Variants in TNRC18 observed in about 807,000 individuals in gnomAD.
TNRC18 encodes the protein trinucleotide repeat-containing gene 18 protein.
In TNRC18, 69 loss-of-function variants were observed where a neutral mutation model predicts 226.7. The ratio of observed to expected loss-of-function variants is 0.30; its 90% confidence interval spans 0.25 to 0.37. TNRC18 has a LOEUF of 0.37. TNRC18 is among the 10% of genes least tolerant of loss of function. TNRC18 has a pLI of 1.00. For synonymous variants in TNRC18, 2,449 were observed against 1,927.6 expected (o/e 1.27, Z -7.09); for missense variants, 4,754 against 4,256.6 (o/e 1.12, Z -3.25).
intron 11 of TNRC18, among the ~76,000 whole-genome samples, chr7:5,364,208 G>C (rs1267519537): frequency 6.6e-6 from 1 of 152,002 alleles, no homozygotes; most frequent in Non-Finnish European, 1.5e-5. Flanking sequence ...TGAGGCATAA[G>C]AACTGCTTAA....
chr7:5,336,634 C>T (rs1054963466), intron 18 of TNRC18, among the ~76,000 whole-genome samples: 1 of 152,010 alleles, frequency 6.6e-6, no homozygotes, highest in African/African-American at 2.4e-5. Context: ...CCCAGCTACT[C>T]AGGAGGCAGA....
rs1006311618 is a variant in TNRC18, at chr7:5,313,412, C to G, written c.7479G>C (p.Gln2493His). The change falls in exon 27 of 30, where the codon CAG (glutamine) becomes CAC (histidine). Residue 2493 changes from glutamine to histidine, a missense_variant. Coordinates refer to ENST00000430969, the MANE Select transcript of TNRC18 (RefSeq NM_001080495.3). ...CCAGGCTCAGGAGGCTCTTGGGCTC[C>G]TGCCAGCCCCCCGCCCCCGGATCCT... ...LREDPGAGGW[Q>H]EPKSLLSLGS... is the part of the protein sequence containing the mutation. 6.3e-7 allele frequency: 1 copy of G among 1,599,322 alleles called. No homozygotes were observed. The highest frequency in any genetic ancestry group is 8.5e-7 in the Non-Finnish European group (1 of 1,174,198).
chr7:5,417,244 G>C (rs998832244), intron 2 of TNRC18, among the ~76,000 whole-genome samples: 1 of 152,088 alleles, frequency 6.6e-6, no homozygotes, highest in African/African-American at 2.4e-5. Flanking sequence ...AAGGCAGGAG[G>C]ATTACTTGAG....
chr7:5,389,096 T>C lies in TNRC18; in HGVS notation c.728A>G (p.Gln243Arg). The change falls in exon 5 of 30, where the codon CAG (glutamine) becomes CGG (arginine). Residue 243 changes from glutamine (Q) to arginine (R), a missense_variant. By Grantham distance (43) the Gln-to-Arg change is conservative. Transcript: ENST00000430969. ...SGPRGVVDLT[Q>R]EARAEGRQDR... ...CTGGCGGCCCTCGGCGCGCGCCTCC[T>C]GGGTCAGGTCCACCACGCCCCGTGG... is the stretch of plus-strand genomic sequence containing the variant. 1 of 1,297,464 alleles carries C rather than the reference T, an allele frequency of 7.7e-7. No individual in the cohort carries two copies. Among genetic ancestry groups the C allele is most frequent in the Non-Finnish European group, 9.8e-7 (1 of 1,018,560 alleles). 80.4% of individuals were successfully genotyped at this position (1,297,464 alleles called of 1,614,324 possible). A position where few individuals can be genotyped will look rare whatever the true frequency, so the allele number is the denominator to read the frequency against.
At position 5,377,290 on chromosome 7, in the gene TNRC18, C is replaced by T; in HGVS notation, c.2461+81G>A. On this transcript the variant is annotated intron_variant, in intron 7 of 29. Coordinates refer to ENST00000430969, the MANE Select transcript of TNRC18 (RefSeq NM_001080495.3). The surrounding 1 kb of genome is among the most constrained non-coding windows in gnomAD (Gnocchi z 5.8). Reference sequence around the variant, plus strand: ...CCCCCAGGAAACGGCAGGCAGGAGCCAGCCCTGAGCTCTTGTCCTGCACCC... The same window carrying T: ...CCCCCAGGAAACGGCAGGCAGGAGCTAGCCCTGAGCTCTTGTCCTGCACCC... 7.2e-7 allele frequency: 1 copy of T among 1,383,148 alleles called. No individual in the cohort carries two copies. The highest frequency in any genetic ancestry group is 9.6e-7 in the Non-Finnish European group (1 of 1,038,136). The allele number at this position is 1,383,148 out of a possible 1,614,324, so 85.7% of individuals were successfully genotyped here. A position where few individuals can be genotyped will look rare whatever the true frequency, so the allele number is the denominator to read the frequency against.
At chr7:5,385,982 CAAA>C (rs1160231238) in intron 5 of TNRC18, among the ~76,000 whole-genome samples, 8,593 of 40,518 alleles carry the variant, frequency 0.21, 318 homozygotes, top group African/African-American at 0.34. Flanking sequence ...AAGTCTGTCT[CAAA>C]AAAAAAAAAA....
At chr7:5,360,601 C>T (rs1429096893) in intron 14 of TNRC18, among the ~76,000 whole-genome samples, 1 of 152,072 alleles carries the variant, frequency 6.6e-6, no homozygotes, top group Non-Finnish European at 1.5e-5. Flanking sequence ...GTCGGTCACA[C>T]TAAGGGGTGG....
chr7:5,401,242 G>A (rs965327972), intron 2 of TNRC18, among the ~76,000 whole-genome samples: 3 of 137,316 alleles, frequency 2.2e-5, no homozygotes, highest in African/African-American at 8.0e-5. Flanking sequence ...GGGGGCGGGG[G>A]GGCTGCATGT....
chr7:5,345,088 G>A (rs1023245348), intron 18 of TNRC18, among the ~76,000 whole-genome samples: 1 of 152,128 alleles, frequency 6.6e-6, no homozygotes, highest in African/African-American at 2.4e-5. Flanking sequence ...GGCACAGACC[G>A]CACCCCCACC....
At chr7:5,401,509 G>A (rs1231751603) in intron 2 of TNRC18, among the ~76,000 whole-genome samples, 1 of 152,126 alleles carries the variant, frequency 6.6e-6, no homozygotes, top group Non-Finnish European at 1.5e-5. Flanking sequence ...TTCCTGAAAT[G>A]TTTTTCTCCA....
chr7:5,384,945 T>C (rs1458321947), intron 5 of TNRC18, among the ~76,000 whole-genome samples: 1 of 152,202 alleles, frequency 6.6e-6, no homozygotes, highest in Non-Finnish European at 1.5e-5. Flanking sequence ...ATGAAGAGAA[T>C]TCCAAGACAA....
intron 24 of TNRC18, 69 bp from the exon 25 acceptor site, chr7:5,316,141 G>C (rs1245949972): frequency 8.0e-7 from 1 of 1,253,552 alleles, no homozygotes; most frequent in Non-Finnish European, 1.1e-6. Context: ...ACAAGGGTCA[G>C]GATGGCAGAA....
chr7:5,390,616 A>G lies in TNRC18; in HGVS notation c.356T>C (p.Leu119Pro), dbSNP rs1584038283. The G allele has an allele frequency of 1.3e-6, 2 of 1,576,628 alleles. No individual in the cohort carries two copies. Among genetic ancestry groups the G allele is most frequent in the Non-Finnish European group, 1.7e-6 (2 of 1,161,420 alleles). Residue 119 changes from leucine to proline, a missense_variant, in exon 4 of 30, where the codon CTG becomes CCG. Physicochemically the swap from Leu to Pro is moderately conservative, Grantham distance 98. Coordinates refer to ENST00000430969, the MANE Select transcript of TNRC18 (RefSeq NM_001080495.3). ...GTAGGATGGGTACAGCCCACTGGGCAGGTGGGAGAAGCCTGTAACAGAAAA... is the reference window on the plus strand; with the variant it reads ...GTAGGATGGGTACAGCCCACTGGGCGGGTGGGAGAAGCCTGTAACAGAAAA... ...AAHAHEGFSH[L>P]PSGLYPSYLH...
chr7:5,360,545 T>G (rs2128159615), intron 14 of TNRC18, among the ~76,000 whole-genome samples: 1 of 152,264 alleles, frequency 6.6e-6, no homozygotes, highest in African/African-American at 2.4e-5. Flanking sequence ...ACTTATTTTT[T>G]TATAGATGAG....
chr7:5,374,459 T>G lies in TNRC18; in HGVS notation c.2825A>C (p.His942Pro), dbSNP rs2128176918. The G allele has an allele frequency of 1.3e-6, 2 of 1,546,730 alleles. No individual in the cohort carries two copies. The highest frequency in any genetic ancestry group is 2.5e-5 in the East Asian group (1 of 40,394). The change falls in exon 10 of 30, where the codon CAC (histidine) becomes CCC (proline). Residue 942 changes from histidine to proline, a missense_variant. By Grantham distance (77) the His-to-Pro change is moderately conservative (BLOSUM62 -2). Transcript: ENST00000430969. ...LVQERLKAQE[H>P]RAEMEEKGSK... ...CCCCTTCTCTTCCATCTCCGCCCGGTGCTCCTGCGCCTTCAACCGCTCCTG... is the reference window on the plus strand; with the variant it reads ...CCCCTTCTCTTCCATCTCCGCCCGGGGCTCCTGCGCCTTCAACCGCTCCTG...
chr7:5,335,196 G>A (rs565623020), intron 18 of TNRC18, among the ~76,000 whole-genome samples: 7 of 149,982 alleles, frequency 4.7e-5, no homozygotes, highest in South Asian at 2.1e-4. Flanking sequence ...CCAGCTACTC[G>A]GGAGGCTTAG....
intron 26 of TNRC18, among the ~76,000 whole-genome samples, chr7:5,314,361 A>C (rs898950903): frequency 2.0e-5 from 3 of 151,938 alleles, no homozygotes; most frequent in African/African-American, 7.3e-5. Context: ...CCCCTATAAC[A>C]ACCTTAAGTT....
chr7:5,336,193 C>A (rs1331578318), intron 18 of TNRC18, among the ~76,000 whole-genome samples: 4 of 144,940 alleles, frequency 2.8e-5, no homozygotes, highest in Non-Finnish European at 6.0e-5. Flanking sequence ...GGCAACAGAG[C>A]GAGACTCTGT....
chr7:5,336,325 A>T (rs997544211), intron 18 of TNRC18, among the ~76,000 whole-genome samples: 1 of 152,210 alleles, frequency 6.6e-6, no homozygotes, highest in Non-Finnish European at 1.5e-5. Context: ...GTTGGAAAGA[A>T]CAGCCAACGA....
Sources: allele counts gnomAD v4.1 joint callset (sites outside exome capture counted in the v4.1 genomes callset), GRCh38; gene constraint gnomAD v4.1.1; non-coding constraint Gnocchi (gnomAD v3.1); transcripts MANE v1.5; gene names NCBI Gene and HGNC (gene_info 2026-07-23, HGNC 2026-07-21).